Variants in CORO2B observed in about 807,000 individuals in gnomAD.
CORO2B encodes coronin 2B, also known as coronin-2B.
A neutral mutation model predicts 58.8 loss-of-function variants in CORO2B; 26 were observed. The ratio of observed to expected loss-of-function variants is 0.44; its 90% confidence interval spans 0.32 to 0.61. The LOEUF (loss-of-function observed/expected upper bound fraction) is 0.61. Among genes scored for constraint, CORO2B ranks in the 20% least tolerant of loss-of-function variants. The pLI is 0.04. For missense variants in CORO2B, 460 were observed against 645.1 expected (o/e 0.71, Z 3.11); for synonymous variants, 242 against 253.8 (o/e 0.95, Z 0.44).
intron 1 of CORO2B, among the ~76,000 whole-genome samples, chr15:68,597,360 C>A (rs997995800): frequency 6.6e-6 from 1 of 152,128 alleles, no homozygotes; most frequent in Non-Finnish European, 1.5e-5. Flanking sequence ...CAGGGGCAGT[C>A]CTAATTGTTT....
At chr15:68,544,421 C>T in the CORO2B span, among the ~76,000 whole-genome samples, 1 of 152,148 alleles carries the variant, frequency 6.6e-6, no homozygotes, top group African/African-American at 2.4e-5. Flanking sequence ...TAAGATTCAT[C>T]CATGCCCTCA....
At chr15:68,621,479 T>A (rs1900516604) in intron 1 of CORO2B, among the ~76,000 whole-genome samples, 1 of 152,168 alleles carries the variant, frequency 6.6e-6, no homozygotes, top group Non-Finnish European at 1.5e-5. Context: ...GAGGAGGCAT[T>A]CCTGAAAGGG....
At chr15:68,558,454 G>A in the CORO2B span, among the ~76,000 whole-genome samples, 1 of 152,140 alleles carries the variant, frequency 6.6e-6, no homozygotes. Context: ...TGCAGCCTCA[G>A]TGACCTCCCA....
intron 8 of CORO2B, 106 bp from the exon 9 acceptor site, chr15:68,718,592 C>A: frequency 1.0e-6 from 1 of 993,836 alleles, no homozygotes; most frequent in Non-Finnish European, 1.5e-6. Flanking sequence ...TGCCTCCAAA[C>A]CTAAGTACAT....
At chr15:68,669,113 GGGAA>G (rs1902298823) in intron 2 of CORO2B, among the ~76,000 whole-genome samples, 1 of 146,298 alleles carries the variant, frequency 6.8e-6, no homozygotes, top group African/African-American at 2.5e-5. Context: ...GAAGGAAGGA[GGGAA>G]GGAAGGAAAG....
rs1360768786 is a variant in CORO2B at position 68,579,212 on chromosome 15, G to GCCGCCC, written c.-46_-41dup. The GCCGCCC allele has an allele frequency of 5.8e-6, 6 of 1,028,680 alleles. No individual in the cohort carries two copies. Among genetic ancestry groups the GCCGCCC allele is most frequent in the Non-Finnish European group, 7.0e-6 (6 of 860,056 alleles). The allele number at this position is 1,028,680 out of a possible 1,614,324, so 63.7% of individuals were successfully genotyped here. On this transcript the variant is annotated 5_prime_UTR_variant, in exon 1 of 12. Coordinates refer to ENST00000261861, the MANE Select transcript of CORO2B (RefSeq NM_006091.5). ...TCCGCCGCCGCCCCGGGCCGCCGCCGCCGCCCCCGCACGCCGCGCCCGCGC... is the reference window on the plus strand; with the variant it reads ...TCCGCCGCCGCCCCGGGCCGCCGCCGCCGCCCCCGCCCCCGCACGCCGCGCCCGCGC...
At chr15:68,523,932 AT>A in the CORO2B span, among the ~76,000 whole-genome samples, 2 of 152,134 alleles carry the variant, frequency 1.3e-5, no homozygotes, top group East Asian at 1.9e-4. Flanking sequence ...TTTTAAAAAT[AT>A]TTTTTTCCAA....
intron 1 of CORO2B, among the ~76,000 whole-genome samples, chr15:68,626,253 G>A (rs1342742068): frequency 6.6e-6 from 1 of 152,154 alleles, no homozygotes; most frequent in African/African-American, 2.4e-5. Context: ...TGTAATTGGA[G>A]CATCCCCCTC....
chr15:68,557,091 C>A, the CORO2B span, among the ~76,000 whole-genome samples: 4 of 152,182 alleles, frequency 2.6e-5, no homozygotes, highest in Admixed American at 6.5e-5. Flanking sequence ...ATAAATGTCC[C>A]CTCGGGTAAG....
chr15:68,596,869 C>T (rs1899844331), intron 1 of CORO2B, among the ~76,000 whole-genome samples: 1 of 152,170 alleles, frequency 6.6e-6, no homozygotes, highest in Non-Finnish European at 1.5e-5. Context: ...TTCCCACAGG[C>T]CACCCCAGCC....
At position 68,725,868 on chromosome 15, in the gene CORO2B, A is replaced by C; in HGVS notation, c.1337A>C (p.Gln446Pro). Reference protein sequence around the residue: ...NELLRMFFRQQDEIRRLKEEL... With the variant: ...NELLRMFFRQPDEIRRLKEEL... The stretch of plus-strand genomic sequence containing the variant: ...CTCCTTCGAATGTTCTTCCGGCAGC[A>C]GGATGAGATTCGACGGTTGAAAGAG... The change falls in exon 12 of 12, where the codon CAG becomes CCG. Residue 446 changes from glutamine (Q) to proline (P), a missense_variant. By Grantham distance (76) the Gln-to-Pro change is moderately conservative. Coordinates refer to ENST00000261861, the MANE Select transcript of CORO2B (RefSeq NM_006091.5). 1 of 1,614,000 alleles carries C rather than the reference A, an allele frequency of 6.2e-7. No individual in the cohort carries two copies. The highest frequency in any genetic ancestry group is 8.5e-7 in the Non-Finnish European group (1 of 1,180,012).
chr15:68,520,578 C>T, the CORO2B span, among the ~76,000 whole-genome samples: 3 of 152,184 alleles, frequency 2.0e-5, no homozygotes, highest in Non-Finnish European at 4.4e-5. Flanking sequence ...TTACAGTTCA[C>T]AGGGTATATT....
intron 1 of CORO2B, among the ~76,000 whole-genome samples, chr15:68,628,349 G>A (rs1309534244): frequency 1.3e-5 from 2 of 152,180 alleles, no homozygotes; most frequent in African/African-American, 4.8e-5. Flanking sequence ...CTGAATGCCT[G>A]TGCCTTAGTT....
rs527331520 is a variant in CORO2B, at chr15:68,720,483, C to G, written c.1311+931C>G. On this transcript the variant is annotated intron_variant, in intron 11 of 11. Coordinates refer to ENST00000261861, the MANE Select transcript of CORO2B (RefSeq NM_006091.5). ...TGCATGCCCGTGGCTGAAGGTCTCTCATGAGGGTACAGTTACACTGTCCAC... is the reference window on the plus strand; with the variant it reads ...TGCATGCCCGTGGCTGAAGGTCTCTGATGAGGGTACAGTTACACTGTCCAC... Among the ~76,000 whole-genome samples the G allele has an allele frequency of 1.6e-4, 25 of 152,338 alleles. 1 individual carries two copies. The South Asian group carries it at 5.2e-3, about 32-fold the overall frequency.
the CORO2B span, among the ~76,000 whole-genome samples, chr15:68,550,020 C>T: frequency 6.6e-6 from 1 of 151,846 alleles, no homozygotes; most frequent in East Asian, 1.9e-4. Flanking sequence ...CTTAGCTTCT[C>T]TCAATCTTGG....
At chr15:68,719,370 T>A (rs367669962) in intron 10 of CORO2B, 43 bp from the exon 11 acceptor site, 45 of 1,610,478 alleles carry the variant, frequency 2.8e-5, no homozygotes, top group Non-Finnish European at 3.7e-5. Flanking sequence ...CACCTGACAG[T>A]CCATGGGATC....
intron 1 of CORO2B, among the ~76,000 whole-genome samples, chr15:68,607,941 T>G (rs4777074): frequency 0.19 from 28,418 of 152,144 alleles, 3,234 homozygotes; most frequent in African/African-American, 0.32. Context: ...ATCATCTTCT[T>G]GTCAAAATCA....
intron 3 of CORO2B, among the ~76,000 whole-genome samples, chr15:68,701,971 G>A (rs1189187972): frequency 2.6e-5 from 4 of 152,126 alleles, no homozygotes; most frequent in East Asian, 1.9e-4. Flanking sequence ...GGCCGGGCAC[G>A]GTAGCTCACG....
chr15:68,646,956 A>G (rs774045900), intron 2 of CORO2B, among the ~76,000 whole-genome samples: 3 of 152,158 alleles, frequency 2.0e-5, no homozygotes, highest in Non-Finnish European at 4.4e-5. Context: ...AGCTCCATCC[A>G]TCCAGGCCTG....
Sources: allele counts gnomAD v4.1 joint callset (sites outside exome capture counted in the v4.1 genomes callset), GRCh38; gene constraint gnomAD v4.1.1; transcripts MANE v1.5; gene names NCBI Gene and HGNC (gene_info 2026-07-23, HGNC 2026-07-21).